Variants in NEBL observed in about 807,000 individuals in gnomAD.
NEBL encodes the protein LIM and SH3 protein 2.
NEBL carries 122 observed loss-of-function variants against 140.2 expected under a neutral mutation model. The observed-to-expected ratio is 0.87, with a 90% confidence interval of 0.75 to 1.01. The LOEUF is 1.01. NEBL is among the 50% of genes least tolerant of loss of function. The pLI, the probability that NEBL is intolerant of heterozygous loss-of-function variation, is 0.00. For synonymous variants in NEBL, 436 were observed against 398.9 expected (o/e 1.09, Z -1.11); for missense variants, 1,365 against 1,231.3 (o/e 1.11, Z -1.62).
At chr10:20,841,314 C>G (rs1399766030) in intron 12 of NEBL, 1 of 171,984 alleles carries the variant, frequency 5.8e-6, no homozygotes, top group Non-Finnish European at 1.2e-5. Context: ...AAACCACTTT[C>G]ATTTGACTCA....
chr10:21,082,936 A>C (rs192020481), intron 2 of NEBL, among the ~76,000 whole-genome samples: 4 of 151,940 alleles, frequency 2.6e-5, no homozygotes, highest in Admixed American at 2.0e-4. Flanking sequence ...CTAATTTTTG[A>C]ATTTTTTTAG....
At chr10:20,992,395 G>C (rs1837491786) in intron 3 of NEBL, among the ~76,000 whole-genome samples, 1 of 152,156 alleles carries the variant, frequency 6.6e-6, no homozygotes, top group Admixed American at 6.6e-5. Flanking sequence ...GAATTAGATG[G>C]ACCCATAAGA....
chr10:20,845,976 C>T (rs771760802), intron 11 of NEBL, among the ~76,000 whole-genome samples: 3 of 152,030 alleles, frequency 2.0e-5, no homozygotes, highest in Admixed American at 6.6e-5. Context: ...TTATCTTGAA[C>T]CTTATAACTG....
chr10:20,975,977 G>C (rs1023363413), intron 3 of NEBL, among the ~76,000 whole-genome samples: 1 of 152,106 alleles, frequency 6.6e-6, no homozygotes, highest in Non-Finnish European at 1.5e-5. Flanking sequence ...ACAAGCCAAT[G>C]AGCAATACTC....
intron 1 of NEBL, among the ~76,000 whole-genome samples, chr10:21,257,935 C>T (rs1221264224): frequency 6.7e-6 from 1 of 148,736 alleles, no homozygotes; most frequent in African/African-American, 2.5e-5. Context: ...ACACACACTA[C>T]ATACATATAT....
At chr10:21,003,603 A>G (rs931468166) in intron 3 of NEBL, among the ~76,000 whole-genome samples, 2 of 152,294 alleles carry the variant, frequency 1.3e-5, no homozygotes, top group South Asian at 4.1e-4. Context: ...TATTCAATCA[A>G]TGATTATTGA....
chr10:20,805,796 T>C (rs1837558626), intron 26 of NEBL, among the ~76,000 whole-genome samples: 1 of 151,506 alleles, frequency 6.6e-6, no homozygotes. Flanking sequence ...GAGGTTGCAG[T>C]GAGCCAAGAT....
At chr10:21,275,121 A>G (rs1022000902) in intron 1 of NEBL, among the ~76,000 whole-genome samples, 7 of 152,164 alleles carry the variant, frequency 4.6e-5, no homozygotes, top group African/African-American at 1.7e-4. Flanking sequence ...GAGCCTTCAG[A>G]TGAGATGCCC....
At chr10:21,166,219 CAAAAAAAAAAAAAAAA>C (rs1170225891) in intron 2 of NEBL, among the ~76,000 whole-genome samples, 3,991 of 35,472 alleles carry the variant, frequency 0.11, 277 homozygotes, top group African/African-American at 0.29. Context: ...GACTGTGTCT[CAAAAAAAAAAAAAAAA>C]AAAAAAAAAA....
intron 3 of NEBL, among the ~76,000 whole-genome samples, chr10:20,972,932 A>G (rs541756178): frequency 1.3e-5 from 2 of 152,172 alleles, no homozygotes; most frequent in African/African-American, 2.4e-5. Flanking sequence ...TTTACAGGTT[A>G]TTTAAAAAAT....
At chr10:21,089,435 T>C (rs906658402) in intron 2 of NEBL, among the ~76,000 whole-genome samples, 4 of 152,112 alleles carry the variant, frequency 2.6e-5, no homozygotes, top group Non-Finnish European at 4.4e-5. Flanking sequence ...ATGGAGGATT[T>C]CCATCAGAGC....
intron 4 of NEBL, among the ~76,000 whole-genome samples, chr10:20,883,178 A>T (rs553664647): frequency 2.0e-4 from 30 of 152,350 alleles, no homozygotes; most frequent in Admixed American, 1.8e-3. Context: ...CATGTTAAAC[A>T]TTATTAACAC....
intron 2 of NEBL, among the ~76,000 whole-genome samples, chr10:21,053,752 G>C (rs556132409): frequency 6.6e-6 from 1 of 152,162 alleles, no homozygotes; most frequent in Non-Finnish European, 1.5e-5. Context: ...TATGCCTAGG[G>C]CTGGGCATGG....
intron 2 of NEBL, among the ~76,000 whole-genome samples, chr10:21,163,032 G>C (rs533300011): frequency 6.6e-6 from 1 of 152,178 alleles, no homozygotes; most frequent in Non-Finnish European, 1.5e-5. Context: ...TTAATCCTAA[G>C]AGATAGAGTC....
chr10:21,111,160 C>T (rs7900317), intron 2 of NEBL, among the ~76,000 whole-genome samples: 18,521 of 152,098 alleles, frequency 0.12, 1,162 homozygotes, highest in South Asian at 0.15. Flanking sequence ...TGAAAATGAC[C>T]ATATTTCCCA....
chr10:21,056,039 C>T (rs931580723), intron 2 of NEBL, among the ~76,000 whole-genome samples: 1 of 152,184 alleles, frequency 6.6e-6, no homozygotes, highest in African/African-American at 2.4e-5. Context: ...CCTGCCTTAA[C>T]ATTAGAGTAG....
chr10:20,969,194 G>C (rs1367958542), intron 3 of NEBL, among the ~76,000 whole-genome samples: 1 of 151,918 alleles, frequency 6.6e-6, no homozygotes, highest in Non-Finnish European at 1.5e-5. Context: ...GTTAATTTTA[G>C]CAAATGTTAA....
chr10:20,844,893 A>G (rs1841757756), intron 12 of NEBL, among the ~76,000 whole-genome samples: 1 of 152,094 alleles, frequency 6.6e-6, no homozygotes, highest in Non-Finnish European at 1.5e-5. Flanking sequence ...TTTTTATAAT[A>G]ACTAAATTTG....
upstream of NEBL, among the ~76,000 whole-genome samples, chr10:20,898,660 T>C (rs902665835): frequency 3.3e-5 from 5 of 152,176 alleles, no homozygotes; most frequent in Non-Finnish European, 7.4e-5. Flanking sequence ...ACAAGGCATA[T>C]TGACATACTA....
Sources: gnomAD v4.1 joint callset for allele counts (sites outside exome capture counted in the v4.1 genomes callset) on GRCh38, gnomAD v4.1.1 for gene constraint, MANE v1.5 for transcripts, NCBI Gene and HGNC (gene_info 2026-07-23, HGNC 2026-07-21) for gene names.